RBM28: variants seen among roughly 807,000 people sequenced by gnomAD.
RBM28 encodes the protein RNA binding motif protein 28, also known as RNA-binding protein 28.
Under a neutral mutation model 98.3 loss-of-function variants are expected in RBM28, and 78 were observed. That is an observed-to-expected ratio of 0.79 (90% CI 0.66 to 0.96). The LOEUF (loss-of-function observed/expected upper bound fraction) is 0.96. Ranked by LOEUF, RBM28 falls within the 40% of genes least tolerant of loss-of-function variation. RBM28 has a pLI of 0.00. For missense variants in RBM28, 838 were observed against 913.0 expected, an observed-to-expected ratio of 0.92 and a Z score of 1.06; for synonymous variants, 306 against 330.9, an observed-to-expected ratio of 0.92 and a Z score of 0.82.
chr7:128,315,287 T>C (rs1796083753), intron 16 of RBM28, among the ~76,000 whole-genome samples: 1 of 152,018 alleles, frequency 6.6e-6, no homozygotes, highest in Non-Finnish European at 1.5e-5. Context: ...CAAAAGTCAG[T>C]AGGTGGGACA....
intron 10 of RBM28, among the ~76,000 whole-genome samples, chr7:128,328,766 T>C (rs1240126025): frequency 1.3e-5 from 2 of 152,166 alleles, no homozygotes; most frequent in Admixed American, 6.5e-5. Flanking sequence ...AAGATCCAAG[T>C]AGTATAACTA....
rs148752295 is a variant in RBM28, at chr7:128,338,266, G to A, written c.525C>T (p.Asn175=). 2 of 1,613,858 alleles carry A rather than the reference G, an allele frequency of 1.2e-6. No homozygotes were observed. Among genetic ancestry groups the A allele is most frequent in the Non-Finnish European group, 1.7e-6 (2 of 1,179,742 alleles). The change falls in exon 5 of 19, where the codon AAC becomes AAT. Residue 175 remains asparagine (N), a synonymous_variant. Transcript: ENST00000223073. ...AAAGCTTACCTTTTATCTCTTTCAT[G>A]TTCATGCCTTTGAGAGCTTTACCTG... ...LEAGKALKGM[N]MKEIKGRTVA...
At chr7:128,337,307 A>G in intron 5 of RBM28, 105 bp from the exon 6 acceptor site, 3 of 1,093,446 alleles carry the variant, frequency 2.7e-6, no homozygotes, top group Non-Finnish European at 4.2e-6. Context: ...GTGGAGACAA[A>G]GAAACTGCCA....
chr7:128,342,717 T>A (rs1228453955), intron 1 of RBM28, among the ~76,000 whole-genome samples: 1 of 152,202 alleles, frequency 6.6e-6, no homozygotes, highest in Non-Finnish European at 1.5e-5. Context: ...TCTGCTACTC[T>A]AGATCTCATC....
Position 128,324,540 on chromosome 7 carries a change from GTTACATCTCC to G in RBM28, c.1339+9_1339+18del. 6.2e-7 allele frequency: 1 copy of G among 1,614,166 alleles called. No individual in the cohort carries two copies. Among genetic ancestry groups the G allele is most frequent in the Non-Finnish European group, 8.5e-7 (1 of 1,180,028 alleles). ...CAGGGCCAGGTACTTAGAAGTGTGG[GTTACATCTCC>G]CTACTCACAGCCTTCTCGGGCCAGA... On this transcript the variant is annotated intron_variant, in intron 12 of 18. Transcript: ENST00000223073.
rs771769677 is a variant in RBM28, at chr7:128,335,905, C to T, written c.751G>A (p.Asp251Asn). ...GATTCTATATTCTCTTCCTCTTCATCTTCATCATCAAAAACCCCATCTTCT... is the reference window on the plus strand; with the variant it reads ...GATTCTATATTCTCTTCCTCTTCATTTTCATCATCAAAAACCCCATCTTCT... ...DEEDGVFDDE[D>N]EEEENIESKV... Residue 251 changes from aspartate (D) to asparagine (N), a missense_variant, in exon 7 of 19, where the codon GAT becomes AAT. Coordinates refer to ENST00000223073, the MANE Select transcript of RBM28 (RefSeq NM_018077.3). 4.3e-6 allele frequency: 7 copies of T among 1,612,988 alleles called. No individual in the cohort carries two copies. The highest frequency in any genetic ancestry group is 3.3e-5 in the Admixed American group (2 of 59,994).
intron 18 of RBM28, among the ~76,000 whole-genome samples, chr7:128,311,414 G>A (rs1223395831): frequency 6.6e-6 from 1 of 152,180 alleles, no homozygotes. Flanking sequence ...ACTAGGGAAG[G>A]GGAGAAGCAA....
chr7:128,325,968 G>A, intron 10 of RBM28, 77 bp from the exon 11 acceptor site: 1 of 1,150,686 alleles, frequency 8.7e-7, no homozygotes, highest in African/African-American at 1.5e-5. Flanking sequence ...AATGGCAACA[G>A]CCTGACACAG....
rs763281837 is a variant in RBM28 at position 128,339,805 on chromosome 7, G to A, written c.119-14C>T. The A allele has an allele frequency of 3.0e-4, 482 of 1,613,236 alleles. No homozygotes were observed. The highest frequency in any genetic ancestry group is 3.9e-4 in the Non-Finnish European group (463 of 1,179,406). On this transcript the variant is annotated splice_polypyrimidine_tract_variant and intron_variant, in intron 1 of 18. Coordinates refer to ENST00000223073, the MANE Select transcript of RBM28 (RefSeq NM_018077.3). ...ATGCCTTACTCCCTGGAATAATGGA[G>A]TGGGGAGGGAGTGGAGGGGCAGTGT...
intron 14 of RBM28, among the ~76,000 whole-genome samples, chr7:128,320,231 A>AG (rs1397595852): frequency 1.2e-4 from 10 of 84,684 alleles, no homozygotes; most frequent in African/African-American, 3.9e-4. Flanking sequence ...AAAAAAAAAA[A>AG]AAAAGAAAGA....
intron 17 of RBM28, among the ~76,000 whole-genome samples, chr7:128,313,589 A>G (rs1584634079): frequency 6.6e-6 from 1 of 152,174 alleles, no homozygotes; most frequent in Admixed American, 6.5e-5. Context: ...TGATCATGCC[A>G]CTGCACTCTA....
At chr7:128,339,860 C>T in intron 1 of RBM28, 69 bp from the exon 2 acceptor site, 1 of 1,518,132 alleles carries the variant, frequency 6.6e-7, no homozygotes, top group Non-Finnish European at 9.1e-7. Flanking sequence ...AAGCCAAGAG[C>T]ACTAAATGAG....
intron 1 of RBM28, among the ~76,000 whole-genome samples, chr7:128,342,961 C>A (rs1448842188): frequency 6.6e-6 from 1 of 152,198 alleles, no homozygotes; most frequent in Non-Finnish European, 1.5e-5. Flanking sequence ...TACACATGCA[C>A]ATAGACTTCC....
chr7:128,317,584 A>G, intron 16 of RBM28, 75 bp downstream of exon 16: 1 of 1,178,264 alleles, frequency 8.5e-7, no homozygotes, highest in South Asian at 1.2e-5. Context: ...AACTACTCTA[A>G]GAGAGCAGAA....
chr7:128,300,612 T>A lies in RBM28; in HGVS notation c.*10185A>T, dbSNP rs1795769840. On this transcript the variant is annotated 3_prime_UTR_variant, in exon 19 of 19. Transcript: ENST00000223073. ...AAAGACGTTAATGCCCACTAAACGCTTTCTACGATGCCTGGAAACAACTGT... is the reference window on the plus strand; with the variant it reads ...AAAGACGTTAATGCCCACTAAACGCATTCTACGATGCCTGGAAACAACTGT... The A allele has an allele frequency of 2.0e-5, 3 of 152,218 alleles. No homozygotes were observed. The highest frequency in any genetic ancestry group is 4.8e-5 in the African/African-American group (2 of 41,462). The allele number at this position is 152,218 out of a possible 1,614,324, so 9.4% of individuals were successfully genotyped here.
chr7:128,317,874 A>G (rs1796138714), intron 15 of RBM28, 83 bp downstream of exon 15: 1 of 1,578,394 alleles, frequency 6.3e-7, no homozygotes, highest in South Asian at 1.1e-5. Context: ...CTCAAATGTC[A>G]GAGGACACTA....
intron 1 of RBM28, among the ~76,000 whole-genome samples, chr7:128,343,292 C>T (rs957247718): frequency 6.6e-6 from 1 of 152,108 alleles, no homozygotes; most frequent in Admixed American, 6.5e-5. Flanking sequence ...CCCTAAATCC[C>T]GGATTCCTGT....
rs895975430 is a variant in RBM28 at position 128,309,746 on chromosome 7, G to A, written c.*1051C>T. 7 of 152,202 alleles carry A rather than the reference G, an allele frequency of 4.6e-5. No individual in the cohort carries two copies. Among genetic ancestry groups the A allele is most frequent in the African/African-American group, 1.7e-4 (7 of 41,400 alleles). The allele number at this position is 152,202 out of a possible 1,614,324, so 9.4% of individuals were successfully genotyped here. A position where few individuals can be genotyped will look rare whatever the true frequency, so the allele number is the denominator to read the frequency against. The stretch of plus-strand genomic sequence containing the variant: ...GATAGTCTGGGAAGAGCTCCAGGAG[G>A]AGGCGACAACTAGTGGAGATCTGAG... On this transcript the variant is annotated 3_prime_UTR_variant, in exon 19 of 19. Coordinates refer to ENST00000223073, the MANE Select transcript of RBM28 (RefSeq NM_018077.3).
At chr7:128,314,695 TAACTC>T in intron 17 of RBM28, 64 bp downstream of exon 17, 1 of 1,605,858 alleles carries the variant, frequency 6.2e-7, no homozygotes, top group South Asian at 1.1e-5. Flanking sequence ...AAAGAGAAAA[TAACTC>T]AGCAAAAACA....
Sources: allele counts gnomAD v4.1 joint callset (sites outside exome capture counted in the v4.1 genomes callset), GRCh38; gene constraint gnomAD v4.1.1; transcripts MANE v1.5; gene names NCBI Gene and HGNC (gene_info 2026-07-23, HGNC 2026-07-21).